AHNAK2: variants seen among roughly 807,000 people sequenced by gnomAD.
AHNAK2 encodes AHNAK nucleoprotein 2.
In AHNAK2, 18 loss-of-function variants were observed where a neutral mutation model predicts 30.7. The observed-to-expected ratio is 0.59, with a 90% CI of 0.41 to 0.87. The LOEUF (loss-of-function observed/expected upper bound fraction) is 0.87. AHNAK2 is among the 40% of genes least tolerant of loss of function. The pLI, the probability that AHNAK2 is intolerant of heterozygous loss-of-function variation, is 0.00. For synonymous variants in AHNAK2, 3,590 were observed against 3,073.8 expected, an observed-to-expected ratio of 1.17 and a Z score of -5.56; for missense variants, 8,604 against 7,373.0, an observed-to-expected ratio of 1.17 and a Z score of -6.11.
chr14:104,952,395 G>A lies in AHNAK2; in HGVS notation c.3056C>T (p.Ala1019Val), dbSNP rs769666323. 1.2e-6 allele frequency: 2 copies of A among 1,612,268 alleles called. No individual in the cohort carries two copies. Among genetic ancestry groups the A allele is most frequent in the South Asian group, 2.2e-5 (2 of 91,020 alleles). ...CTTGGGTGCAGACACATCCACCAAG[G>A]CCTTGATGGACTTCCCTGGGGCCGA... ...GVSAPGKSIK[A>V]LVDVSAPKVE... The change falls in exon 7 of 7, where the codon GCC (alanine) becomes GTC (valine). Residue 1019 changes from alanine to valine, a missense_variant. Physicochemically the swap from Ala to Val is moderately conservative, Grantham distance 64. Transcript: ENST00000333244.
In AHNAK2 at chr14:104,948,869, C is replaced by T; in HGVS notation, c.6582G>A (p.Gly2194=). The change falls in exon 7 of 7, where the codon GGG becomes GGA. Residue 2194 remains glycine, a synonymous_variant. Coordinates refer to ENST00000333244, the MANE Select transcript of AHNAK2 (RefSeq NM_138420.4). ...EADMSLPSMQ[G]DLKTTDLSIQ... is the part of the protein sequence containing the mutation. The stretch of plus-strand genomic sequence containing the variant: ...TGCTGAGGTCAGTGGTCTTGAGGTC[C>T]CCCTGCATGGAGGGGAGACTCATGT... 3 of 1,610,312 alleles carry T rather than the reference C, an allele frequency of 1.9e-6. No individual in the cohort carries two copies. Among genetic ancestry groups the T allele is most frequent in the Non-Finnish European group, 2.5e-6 (3 of 1,178,590 alleles).
At chr14:104,959,136 G>A (rs1371865788) in intron 1 of AHNAK2, among the ~76,000 whole-genome samples, 1 of 152,064 alleles carries the variant, frequency 6.6e-6, no homozygotes, top group Non-Finnish European at 1.5e-5. Flanking sequence ...GAAACTCAAG[G>A]CCAGCCTGAG....
chr14:104,962,379 T>C (rs1899173455), intron 1 of AHNAK2, among the ~76,000 whole-genome samples: 1 of 152,164 alleles, frequency 6.6e-6, no homozygotes, highest in South Asian at 2.1e-4. Context: ...GAAAACAAAG[T>C]CCAGAACAGC....
At chr14:104,976,941 G>T (rs772885776) in intron 1 of AHNAK2, among the ~76,000 whole-genome samples, 1 of 152,114 alleles carries the variant, frequency 6.6e-6, no homozygotes, top group African/African-American at 2.4e-5. Flanking sequence ...CCAGCCCACC[G>T]GAGCCATCAT....
rs371936347 is a variant in AHNAK2 at position 104,957,723 on chromosome 14, C to T, written c.56-51G>A. 6.7e-4 allele frequency: 1,051 copies of T among 1,562,868 alleles called. 2 individuals are homozygous for T. Among genetic ancestry groups the T allele is most frequent in the Non-Finnish European group, 7.6e-4 (877 of 1,150,758 alleles). On this transcript the variant is annotated intron_variant, in intron 1 of 6. Coordinates refer to ENST00000333244, the MANE Select transcript of AHNAK2 (RefSeq NM_138420.4). Reference sequence around the variant, plus strand: ...AGACAAGCAGGCTGGGGGAGCAGATCGGGGCCCGGGGGAGGGAGCCAGGAC... The same window carrying T: ...AGACAAGCAGGCTGGGGGAGCAGATTGGGGCCCGGGGGAGGGAGCCAGGAC...
intron 1 of AHNAK2, among the ~76,000 whole-genome samples, chr14:104,968,509 C>T (rs1193527502): frequency 1.3e-5 from 2 of 152,226 alleles, no homozygotes; most frequent in East Asian, 1.9e-4. Context: ...GGACTCCCAC[C>T]AGCCACCAGC....
At chr14:104,959,818 A>G (rs1899085796) in intron 1 of AHNAK2, among the ~76,000 whole-genome samples, 1 of 152,212 alleles carries the variant, frequency 6.6e-6, no homozygotes, top group African/African-American at 2.4e-5. Flanking sequence ...AATGCAGAAA[A>G]TGGTAACTAT....
At chr14:104,957,848 G>A (rs1270550724) in intron 1 of AHNAK2, among the ~76,000 whole-genome samples, 176 bp from the exon 2 acceptor site, 2 of 152,174 alleles carry the variant, frequency 1.3e-5, no homozygotes, top group Non-Finnish European at 2.9e-5. Flanking sequence ...GGGCTGGAGA[G>A]GCTGAGGCAT....
At chr14:104,967,094 A>C (rs535961520) in intron 1 of AHNAK2, among the ~76,000 whole-genome samples, 1 of 152,116 alleles carries the variant, frequency 6.6e-6, no homozygotes, top group South Asian at 2.1e-4. Context: ...ATGAGTGGGG[A>C]GGGGCTCCAC....
chr14:104,946,464 G>A lies in AHNAK2; in HGVS notation c.8987C>T (p.Ser2996Phe), dbSNP rs766084912. 6.2e-7 allele frequency: 1 copy of A among 1,612,552 alleles called. No homozygotes were observed. The highest frequency in any genetic ancestry group is 8.5e-7 in the Non-Finnish European group (1 of 1,179,572). ...PSFGVSAPGKSIEVSVDVSAP... is the reference protein window; with the variant it reads ...PSFGVSAPGKFIEVSVDVSAP... ...AGACACATCCACCGAGACCTCAATG[G>A]ACTTGCCTGGGGCAGACACCCCGAA... Residue 2996 changes from serine (S) to phenylalanine (F), a missense_variant, in exon 7 of 7, where the codon TCC becomes TTC. Coordinates refer to ENST00000333244, the MANE Select transcript of AHNAK2 (RefSeq NM_138420.4).
In AHNAK2 at chr14:104,942,458, G is replaced by T. The variant is rs200869281; in HGVS notation, c.12993C>A (p.Asp4331Glu). Residue 4331 changes from aspartate (D) to glutamate (E), a missense_variant, in exon 7 of 7, where the codon GAC becomes GAA. By Grantham distance (45) the Asp-to-Glu change is conservative. Coordinates refer to ENST00000333244, the MANE Select transcript of AHNAK2 (RefSeq NM_138420.4). ...LDVSALKVEA[D>E]VSLPSMQGDL... ...CCCCCTGCATGGAGGGGAGGCTCAC[G>T]TCAGCCTCCACCTTCAGCGCAGACA... is the stretch of plus-strand genomic sequence containing the variant. 180 of 1,612,846 alleles carry T rather than the reference G, an allele frequency of 1.1e-4. No individual in the cohort carries two copies. Among genetic ancestry groups the T allele is most frequent in the South Asian group, 5.4e-4 (49 of 91,030 alleles).
rs1198496526 is a variant in AHNAK2, at chr14:104,939,921, T to A, written c.15530A>T (p.Glu5177Val). 4 of 1,612,638 alleles carry A rather than the reference T, an allele frequency of 2.5e-6. No homozygotes were observed. Among genetic ancestry groups the A allele is most frequent in the Non-Finnish European group, 2.5e-6 (3 of 1,179,896 alleles). Residue 5177 changes from glutamate to valine, a missense_variant, in exon 7 of 7, where the codon GAG becomes GTG. By Grantham distance (121) the Glu-to-Val change is moderately radical. Coordinates refer to ENST00000333244, the MANE Select transcript of AHNAK2 (RefSeq NM_138420.4). Reference protein sequence around the residue: ...DAEVLTVESPEEEAMTKYSQE... With the variant: ...DAEVLTVESPVEEAMTKYSQE... ...CGAGTACTTGGTCATGGCTTCCTCC[T>A]CTGGGCTTTCCACTGTGAGGACTTC...
At position 104,945,247 on chromosome 14, in the gene AHNAK2, G is replaced by A. The variant is rs1433431301; in HGVS notation, c.10204C>T (p.Pro3402Ser). ...TGGGGGCTCTTGAGGTCCACTTTGGGCATCTTGAAACTGGGCATCTCCACC... is the reference window on the plus strand; with the variant it reads ...TGGGGGCTCTTGAGGTCCACTTTGGACATCTTGAAACTGGGCATCTCCACC... ...PKVEMPSFKM[P>S]KVDLKSPQVD... is the part of the protein sequence containing the mutation. The change falls in exon 7 of 7, where the codon CCC (proline) becomes TCC (serine). Residue 3402 changes from proline to serine, a missense_variant. Pro to Ser is a moderately conservative substitution (Grantham distance 74). Transcript: ENST00000333244. 9.3e-6 allele frequency: 15 copies of A among 1,612,942 alleles called. No individual in the cohort carries two copies. Among genetic ancestry groups the A allele is most frequent in the Non-Finnish European group, 1.2e-5 (14 of 1,179,586 alleles).
At position 104,947,283 on chromosome 14, in the gene AHNAK2, T is replaced by A; in HGVS notation, c.8168A>T (p.Glu2723Val). ...CAGGTGCCCTTTGAGGCCGGCTCCC[T>A]CGGGAACGTGGCCCTCTGGGAGTTT... Reference protein sequence around the residue: ...DVKLPEGHVPEGAGLKGHLPK... With the variant: ...DVKLPEGHVPVGAGLKGHLPK... Residue 2723 changes from glutamate (E) to valine (V), a missense_variant, in exon 7 of 7, where the codon GAG (glutamate) becomes GTG (valine). Coordinates refer to ENST00000333244, the MANE Select transcript of AHNAK2 (RefSeq NM_138420.4). 5 of 1,611,164 alleles carry A rather than the reference T, an allele frequency of 3.1e-6. No individual in the cohort carries two copies. In the South Asian group the frequency reaches 4.4e-5, roughly 14 times the overall value.
At chr14:104,963,836 A>T (rs1899224027) in intron 1 of AHNAK2, among the ~76,000 whole-genome samples, 1 of 151,308 alleles carries the variant, frequency 6.6e-6, no homozygotes. Context: ...TCTAAAAAAA[A>T]AAAAGAAAAA....
chr14:104,956,706 T>G lies in AHNAK2; in HGVS notation c.214-17A>C, dbSNP rs1203094690. 6.2e-7 allele frequency: 1 copy of G among 1,612,850 alleles called. No homozygotes were observed. The highest frequency in any genetic ancestry group is 1.1e-5 in the South Asian group (1 of 91,070). ...GGCGTCTTCCTGCAGCCACAAGTGT[T>G]GGGAGTTAGGCACCTGCCCCAGCTC... On this transcript the variant is annotated splice_polypyrimidine_tract_variant and intron_variant, in intron 3 of 6. Transcript: ENST00000333244.
chr14:104,976,049 CTTGGGGGGT>C (rs1899581698), intron 1 of AHNAK2, among the ~76,000 whole-genome samples: 1 of 152,086 alleles, frequency 6.6e-6, no homozygotes, highest in African/African-American at 2.4e-5. Flanking sequence ...GTGGTGCTTT[CTTGGGGGGT>C]CGTGGGAGGT....
chr14:104,954,386 G>A lies in AHNAK2; in HGVS notation c.1065C>T (p.Val355=), dbSNP rs544610212. 1.2e-6 allele frequency: 2 copies of A among 1,613,188 alleles called. No individual in the cohort carries two copies. The highest frequency in any genetic ancestry group is 1.7e-6 in the Non-Finnish European group (2 of 1,179,844). ...GFQSGVGRAG[V]LEELGPWGDS... is the part of the protein sequence containing the mutation. The stretch of plus-strand genomic sequence containing the variant: ...CACCCCAGGGCCCCAACTCTTCCAG[G>A]ACCCCAGCACGGCCCACCCCACTCT... Residue 355 remains valine (V), a synonymous_variant, in exon 7 of 7, where the codon GTC becomes GTT. Coordinates refer to ENST00000333244, the MANE Select transcript of AHNAK2 (RefSeq NM_138420.4). The surrounding 1 kb of genome is among the most constrained non-coding windows in gnomAD (Gnocchi z 4.3).
Position 104,947,049 on chromosome 14 carries a change from A to T in AHNAK2, c.8402T>A (p.Leu2801Gln). Residue 2801 changes from leucine to glutamine, a missense_variant, in exon 7 of 7, where the codon CTG becomes CAG. Leu to Gln is a moderately radical substitution (Grantham distance 113, BLOSUM62 -2). Transcript: ENST00000333244. ...TTTGGCTGTCATGCCCTTGTCGGCCAGGGACAGGTCCCCCTCCAGCCGCGC... is the reference window on the plus strand; with the variant it reads ...TTTGGCTGTCATGCCCTTGTCGGCCTGGGACAGGTCCCCCTCCAGCCGCGC... ...DGARLEGDLS[L>Q]ADKGMTAKDS... 6.2e-7 allele frequency: 1 copy of T among 1,612,306 alleles called. No homozygotes were observed. Among genetic ancestry groups the T allele is most frequent in the Non-Finnish European group, 8.5e-7 (1 of 1,179,556 alleles).
Sources: allele counts gnomAD v4.1 joint callset (sites outside exome capture counted in the v4.1 genomes callset), GRCh38; gene constraint gnomAD v4.1.1; non-coding constraint Gnocchi (gnomAD v3.1); transcripts MANE v1.5; gene names NCBI Gene and HGNC (gene_info 2026-07-23, HGNC 2026-07-21).